The following DGKB variants were observed in gnomAD, a reference collection of about 807,000 sequenced individuals.
DGKB encodes the protein diacylglycerol kinase beta.
In DGKB, 67 loss-of-function variants were observed where a neutral mutation model predicts 114.3. That is an observed-to-expected ratio of 0.59 (90% CI 0.48 to 0.72). The LOEUF is 0.72. Among genes scored for constraint, DGKB ranks in the 30% least tolerant of loss-of-function variants. The pLI is 0.00. For synonymous variants in DGKB, 398 were observed against 323.1 expected (o/e 1.23, Z -2.49); for missense variants, 907 against 975.2 (o/e 0.93, Z 0.93).
At chr7:14,967,671 A>T (rs1193846364) in intron 1 of DGKB, among the ~76,000 whole-genome samples, 1 of 151,432 alleles carries the variant, frequency 6.6e-6, no homozygotes, top group Non-Finnish European at 1.5e-5. Flanking sequence ...AAAAAAAAAA[A>T]AAAAGTCTTT....
chr7:14,703,170 T>C (rs1330810074), intron 6 of DGKB, among the ~76,000 whole-genome samples: 1 of 152,218 alleles, frequency 6.6e-6, no homozygotes, highest in Non-Finnish European at 1.5e-5. Context: ...TGGCAAGAAT[T>C]GACGGACTAC....
At chr7:14,199,692 T>C (rs1785544482) in intron 23 of DGKB, among the ~76,000 whole-genome samples, 1 of 152,064 alleles carries the variant, frequency 6.6e-6, no homozygotes, top group Admixed American at 6.6e-5. Context: ...TCACTATAAC[T>C]GGGCAAGTGG....
chr7:14,176,633 A>T, intron 25 of DGKB: 1 of 1,301,646 alleles, frequency 7.7e-7, no homozygotes, highest in Non-Finnish European at 9.8e-7. Context: ...TAACACAAAC[A>T]TTCAAGAGCT....
intron 13 of DGKB, among the ~76,000 whole-genome samples, chr7:14,654,955 G>T (rs897074785): frequency 6.6e-6 from 1 of 151,760 alleles, no homozygotes; most frequent in Non-Finnish European, 1.5e-5. Context: ...GATTTCTTTG[G>T]GACTCTGGTC....
At chr7:14,338,731 A>G (rs1811116935) in intron 22 of DGKB, 21 bp from the exon 23 acceptor site, 1 of 1,355,036 alleles carries the variant, frequency 7.4e-7, no homozygotes. Flanking sequence ...AAAAGAAAGA[A>G]ACAGAAACGG....
At chr7:14,260,307 T>C (rs1796583099) in intron 23 of DGKB, among the ~76,000 whole-genome samples, 1 of 152,210 alleles carries the variant, frequency 6.6e-6, no homozygotes, top group African/African-American at 2.4e-5. Flanking sequence ...TAGGACTCCT[T>C]ATAAGCAGCA....
chr7:14,151,949 C>T (rs182241601), intron 25 of DGKB, among the ~76,000 whole-genome samples: 347 of 152,116 alleles, frequency 2.3e-3, no homozygotes, highest in African/African-American at 8.0e-3. Context: ...GTCGGTGTCA[C>T]AGTTACAGAA....
rs145233595 is a variant in DGKB at position 14,657,165 on chromosome 7, G to T, written c.1134+15764C>A. Among the ~76,000 whole-genome samples the T allele has an allele frequency of 4.2e-3, 633 of 151,696 alleles. 3 individuals carry two copies. Among genetic ancestry groups the T allele is most frequent in the Admixed American group, 7.2e-3 (110 of 15,206 alleles). On this transcript the variant is annotated intron_variant, in intron 13 of 25. Transcript: ENST00000402815. ...ACTCTTTAAAATACATGTACATGAA[G>T]AATATTTTAAACCAAAATGGATGTA...
chr7:14,180,985 A>G (rs1199710089), intron 23 of DGKB, among the ~76,000 whole-genome samples: 1 of 152,192 alleles, frequency 6.6e-6, no homozygotes, highest in Non-Finnish European at 1.5e-5. Flanking sequence ...AAGATGGCCT[A>G]TGGACCAAAT....
intron 1 of DGKB, among the ~76,000 whole-genome samples, chr7:14,929,133 T>C (rs775464320): frequency 3.3e-5 from 5 of 152,006 alleles, no homozygotes; most frequent in Non-Finnish European, 2.9e-5. Context: ...CAGTCATCCA[T>C]TGATAAACAC....
intron 23 of DGKB, among the ~76,000 whole-genome samples, chr7:14,260,634 C>T (rs778352673): frequency 2.6e-5 from 4 of 152,132 alleles, no homozygotes; most frequent in Non-Finnish European, 4.4e-5. Context: ...AGGTTAGGAA[C>T]TTTCTATCGG....
intron 20 of DGKB, among the ~76,000 whole-genome samples, chr7:14,509,413 C>T (rs529985524): frequency 3.5e-4 from 53 of 152,204 alleles, no homozygotes; most frequent in African/African-American, 1.3e-3. Context: ...AGGGAGATAA[C>T]ACTCCCTTGA....
At chr7:14,610,064 T>C (rs62445602) in intron 16 of DGKB, among the ~76,000 whole-genome samples, 14,994 of 152,002 alleles carry the variant, frequency 0.099, 1,787 homozygotes, top group African/African-American at 0.29. Flanking sequence ...AAAAGATACA[T>C]GCACTTTTAT....
rs963278093 is a variant in DGKB at position 14,925,865 on chromosome 7, T to C, written c.-188+48831A>G. On this transcript the variant is annotated intron_variant, in intron 1 of 4. Transcript: ENST00000437998. ...TCATTTGCAAATAGGAATAATTGGG[T>C]CCCCCCCCCACTTCCAGTATGCATG... is the stretch of plus-strand genomic sequence containing the variant. 2.1e-3 allele frequency among the ~76,000 whole-genome samples: 315 copies of C among 148,720 alleles called. 1 individual carries two copies. The highest frequency in any genetic ancestry group is 7.6e-3 in the African/African-American group (297 of 39,202).
intron 5 of DGKB, among the ~76,000 whole-genome samples, chr7:14,729,165 C>G (rs1263090960): frequency 9.7e-5 from 14 of 144,474 alleles, no homozygotes; most frequent in Admixed American, 8.2e-4. Flanking sequence ...CTCTGTTGCC[C>G]AGGCTGGAGT....
intron 23 of DGKB, among the ~76,000 whole-genome samples, chr7:14,245,496 C>G (rs1376695751): frequency 1.3e-5 from 2 of 152,172 alleles, no homozygotes; most frequent in Non-Finnish European, 1.5e-5. Context: ...TGGAGCCTGT[C>G]TCCAAGCAGC....
intron 12 of DGKB, among the ~76,000 whole-genome samples, chr7:14,677,278 T>A (rs934210450): frequency 2.0e-5 from 3 of 151,824 alleles, no homozygotes; most frequent in African/African-American, 4.8e-5. Flanking sequence ...GGAAAATAAG[T>A]GTTCATAGGA....
At position 14,645,886 on chromosome 7, in the gene DGKB, T is replaced by C. The variant is rs115578657; in HGVS notation, c.1135-15618A>G. Among the ~76,000 whole-genome samples the C allele has an allele frequency of 1.6e-3, 245 of 151,758 alleles. 1 individual carries two copies. The highest frequency in any genetic ancestry group is 5.4e-3 in the African/African-American group (222 of 41,382). ...TGATATCTGCCATTATGATAACAAA[T>C]GAGAAAGACAAGGAATGAAATGTTA... On this transcript the variant is annotated intron_variant, in intron 13 of 25. Transcript: ENST00000402815.
chr7:14,319,300 T>A (rs891866349), intron 23 of DGKB, among the ~76,000 whole-genome samples: 45 of 135,890 alleles, frequency 3.3e-4, no homozygotes, highest in Admixed American at 2.0e-3. Context: ...TAAAAAAAAA[T>A]ATTGCAATAA....
Sources: allele counts gnomAD v4.1 joint callset (sites outside exome capture counted in the v4.1 genomes callset), GRCh38; gene constraint gnomAD v4.1.1; transcripts MANE v1.5; gene names NCBI Gene and HGNC (gene_info 2026-07-23, HGNC 2026-07-21).